The following TMEM131 variants were observed in gnomAD, a reference collection of about 807,000 sequenced individuals.
TMEM131 encodes the protein 2610524E03Rik.
Under a neutral mutation model 211.6 loss-of-function variants are expected in TMEM131, and 66 were observed. The ratio of observed to expected loss-of-function variants is 0.31; its 90% confidence interval spans 0.26 to 0.38. The LOEUF is 0.38. TMEM131 is among the 10% of genes least tolerant of loss of function. The pLI, the probability that TMEM131 is intolerant of heterozygous loss-of-function variation, is 1.00. For synonymous variants in TMEM131, 844 were observed against 841.3 expected (o/e 1.00, Z -0.06); for missense variants, 2,036 against 2,299.3 (o/e 0.89, Z 2.34).
At chr2:97,767,904 G>A (rs949007181) in intron 33 of TMEM131, among the ~76,000 whole-genome samples, 6 of 152,190 alleles carry the variant, frequency 3.9e-5, no homozygotes, top group Non-Finnish European at 5.9e-5. Flanking sequence ...TCATTCACAG[G>A]AGATTTCAAA....
intron 13 of TMEM131, 27 bp from the exon 14 acceptor site, chr2:97,814,415 A>C (rs751602993): frequency 1.3e-6 from 2 of 1,543,344 alleles, no homozygotes. Context: ...CAAGAACAAA[A>C]TAAATCATTT....
At chr2:97,874,286 C>A (rs1055991316) in intron 4 of TMEM131, among the ~76,000 whole-genome samples, 4 of 152,162 alleles carry the variant, frequency 2.6e-5, no homozygotes, top group Admixed American at 1.3e-4. Context: ...TGGAACCAAG[C>A]TAGAAAACAC....
chr2:97,956,358 G>GA (rs1678566738), intron 1 of TMEM131, among the ~76,000 whole-genome samples: 1 of 152,168 alleles, frequency 6.6e-6, no homozygotes, highest in African/African-American at 2.4e-5. Flanking sequence ...ATGGAAATGT[G>GA]AAATAGTTAC....
intron 1 of TMEM131, among the ~76,000 whole-genome samples, chr2:97,932,780 C>T (rs1677283517): frequency 6.6e-6 from 1 of 151,640 alleles, no homozygotes. Flanking sequence ...AAAAACTAAG[C>T]TATTACTGGA....
intron 3 of TMEM131, among the ~76,000 whole-genome samples, chr2:97,895,244 C>T (rs62156480): frequency 0.051 from 7,668 of 151,804 alleles, 275 homozygotes; most frequent in Middle Eastern, 0.12. Context: ...GTAGATAAGC[C>T]TTTTGGTGTG....
intron 18 of TMEM131, 34 bp from the exon 19 acceptor site, chr2:97,809,808 G>C: frequency 3.3e-6 from 5 of 1,515,950 alleles, no homozygotes; most frequent in Non-Finnish European, 4.5e-6. Flanking sequence ...TAGATAAGTA[G>C]TTAAGACTTA....
chr2:97,887,897 A>C, intron 4 of TMEM131, 155 bp downstream of exon 4: 1 of 586,432 alleles, frequency 1.7e-6, no homozygotes, highest in Admixed American at 3.0e-5. Flanking sequence ...CTTACTTCCC[A>C]TTTTCAAACT....
At chr2:97,957,945 T>A (rs1157645435) in intron 1 of TMEM131, among the ~76,000 whole-genome samples, 1 of 152,068 alleles carries the variant, frequency 6.6e-6, no homozygotes, top group Non-Finnish European at 1.5e-5. Context: ...CACAGACGAA[T>A]AAATCAAGTA....
intron 5 of TMEM131, among the ~76,000 whole-genome samples, chr2:97,846,919 G>A (rs191547262): frequency 3.3e-5 from 5 of 152,248 alleles, no homozygotes; most frequent in Admixed American, 6.5e-5. Flanking sequence ...GGTGGCTCAC[G>A]CCTGTAATCC....
At chr2:97,814,809 GT>G (rs1388323616) in intron 13 of TMEM131, among the ~76,000 whole-genome samples, 1 of 152,108 alleles carries the variant, frequency 6.6e-6, no homozygotes, top group African/African-American at 2.4e-5. Flanking sequence ...TTCTAGAAGT[GT>G]TTATGAATTT....
At position 97,939,303 on chromosome 2, in the gene TMEM131, G is replaced by C. The variant is rs1250553472; in HGVS notation, c.188-11816C>G. Among the ~76,000 whole-genome samples, 6 of 152,156 alleles carry C rather than the reference G, an allele frequency of 3.9e-5. No individual in the cohort carries two copies. The East Asian group carries it at 9.6e-4, about 24-fold the overall frequency. ...CTAGCAAGACTAATAAAGAAGAAAA[G>C]AGAAGAATCAAATAGACGCAATAAA... On this transcript the variant is annotated intron_variant, in intron 1 of 40. Transcript: ENST00000186436.
At chr2:97,869,792 T>C (rs1311265874) in intron 4 of TMEM131, among the ~76,000 whole-genome samples, 3 of 152,204 alleles carry the variant, frequency 2.0e-5, no homozygotes, top group Non-Finnish European at 4.4e-5. Flanking sequence ...TCACAATGTG[T>C]TGCTTTTCTA....
chr2:97,983,547 T>A (rs542104463), intron 1 of TMEM131, among the ~76,000 whole-genome samples: 1 of 152,270 alleles, frequency 6.6e-6, no homozygotes, highest in East Asian at 1.9e-4. Context: ...ATGTTTCTCA[T>A]GATTAGGCAT....
chr2:97,819,258 C>T (rs1013174679), intron 11 of TMEM131, among the ~76,000 whole-genome samples: 2 of 152,196 alleles, frequency 1.3e-5, no homozygotes, highest in Non-Finnish European at 1.5e-5. Context: ...AGAGAGAGGG[C>T]TATACTGCTG....
chr2:97,787,198 T>C (rs1437400727), intron 31 of TMEM131, among the ~76,000 whole-genome samples: 2 of 152,238 alleles, frequency 1.3e-5, no homozygotes, highest in Non-Finnish European at 2.9e-5. Context: ...GACATTTACT[T>C]CGTCTTTATC....
intron 22 of TMEM131, among the ~76,000 whole-genome samples, chr2:97,804,135 G>C (rs1304150765): frequency 1.3e-5 from 2 of 152,178 alleles, no homozygotes; most frequent in Non-Finnish European, 2.9e-5. Flanking sequence ...CAAATTAGCA[G>C]CTTGAGAAGA....
At chr2:97,901,870 C>G (rs1479758400) in intron 3 of TMEM131, among the ~76,000 whole-genome samples, 1 of 152,094 alleles carries the variant, frequency 6.6e-6, no homozygotes, top group Non-Finnish European at 1.5e-5. Context: ...GGAATAAGCC[C>G]TAGTTTTTAA....
chr2:97,802,797 A>G lies in TMEM131; in HGVS notation c.2403-7T>C, dbSNP rs1459520662. 16 of 1,535,466 alleles carry G rather than the reference A, an allele frequency of 1.0e-5. No homozygotes were observed. The highest frequency in any genetic ancestry group is 1.4e-5 in the Non-Finnish European group (16 of 1,144,124). ...TTCAAATATAGCACTCAATCTAGAA[A>G]AACAATTTGTAAGTCACTGTATCAA... On this transcript the variant is annotated splice_region_variant and splice_polypyrimidine_tract_variant and intron_variant, in intron 22 of 40. Coordinates refer to ENST00000186436, the MANE Select transcript of TMEM131 (RefSeq NM_015348.2).
intron 1 of TMEM131, among the ~76,000 whole-genome samples, chr2:97,973,865 C>T (rs1679411198): frequency 6.6e-6 from 1 of 152,104 alleles, no homozygotes; most frequent in Non-Finnish European, 1.5e-5. Context: ...GCAAGACATC[C>T]CAGAATATCA....
Sources: gnomAD v4.1 joint callset for allele counts (sites outside exome capture counted in the v4.1 genomes callset) on GRCh38, gnomAD v4.1.1 for gene constraint, MANE v1.5 for transcripts, NCBI Gene and HGNC (gene_info 2026-07-23, HGNC 2026-07-21) for gene names.